IMPG1: variants seen among roughly 807,000 people sequenced by gnomAD.
The protein encoded by IMPG1 is interphotoreceptor matrix proteoglycan 1.
A neutral mutation model predicts 92.0 loss-of-function variants in IMPG1; 85 were observed. That is an observed-to-expected ratio of 0.92 (90% CI 0.78 to 1.11). The LOEUF (loss-of-function observed/expected upper bound fraction) is 1.11, where lower values mean the gene tolerates loss of function less well. Ranked by LOEUF, IMPG1 falls within the 50% of genes least tolerant of loss-of-function variation. The probability of loss-of-function intolerance (pLI) is 0.00; values close to 1 mark genes in which losing one functional copy is unlikely to be tolerated. For missense variants in IMPG1, 1,022 were observed against 956.0 expected (o/e 1.07, Z -0.91); for synonymous variants, 367 against 334.1 (o/e 1.10, Z -1.08).
At chr6:76,054,781 A>AAC (rs1784093545) in intron 1 of IMPG1, among the ~76,000 whole-genome samples, 1 of 152,096 alleles carries the variant, frequency 6.6e-6, no homozygotes, top group Admixed American at 6.6e-5. Flanking sequence ...GGCTCTTGTT[A>AAC]GTACAAGCCA....
chr6:75,985,773 T>C (rs1350848847), intron 12 of IMPG1, among the ~76,000 whole-genome samples: 1 of 152,222 alleles, frequency 6.6e-6, no homozygotes, highest in East Asian at 1.9e-4. Context: ...TGAGCCATAC[T>C]GAATTCTGAG....
At chr6:75,995,155 T>C (rs1442152612) in intron 12 of IMPG1, among the ~76,000 whole-genome samples, 3 of 152,240 alleles carry the variant, frequency 2.0e-5, no homozygotes. Flanking sequence ...ACCAATAAAA[T>C]CAATTCACTT....
intron 12 of IMPG1, among the ~76,000 whole-genome samples, chr6:75,976,548 G>A (rs1189906674): frequency 2.0e-5 from 3 of 151,916 alleles, no homozygotes; most frequent in Admixed American, 6.6e-5. Context: ...GCGACAGAGC[G>A]AGACTCTTGT....
chr6:76,056,394 C>G (rs1227176281), intron 1 of IMPG1, among the ~76,000 whole-genome samples: 2 of 151,920 alleles, frequency 1.3e-5, no homozygotes, highest in Non-Finnish European at 2.9e-5. Context: ...GCAAAAAAAG[C>G]TAAAATAAGC....
In IMPG1 at chr6:75,921,983, A is replaced by G. The variant is rs1781438186; in HGVS notation, c.*106T>C. The G allele has an allele frequency of 1.5e-6, 1 of 656,050 alleles. No homozygotes were observed. Among genetic ancestry groups the G allele is most frequent in the Non-Finnish European group, 2.8e-6 (1 of 355,796 alleles). 40.6% of individuals were successfully genotyped at this position (656,050 alleles called of 1,614,324 possible). A position where few individuals can be genotyped will look rare whatever the true frequency, so the allele number is the denominator to read the frequency against. On this transcript the variant is annotated 3_prime_UTR_variant, in exon 17 of 17. Coordinates refer to ENST00000369950, the MANE Select transcript of IMPG1 (RefSeq NM_001563.4). The stretch of plus-strand genomic sequence containing the variant: ...TGTGCTGATTCTCAGTGTTGACTGT[A>G]TGTCTGGATTTTGATGACCCATGAA...
At chr6:75,954,700 C>CTGAA (rs1476256668) in intron 12 of IMPG1, among the ~76,000 whole-genome samples, 1 of 152,150 alleles carries the variant, frequency 6.6e-6, no homozygotes, top group Non-Finnish European at 1.5e-5. Context: ...TGCCTATGTC[C>CTGAA]TGAATGGTAT....
intron 3 of IMPG1, 37 bp from the exon 4 acceptor site, chr6:76,034,380 G>GAGAT (rs759883305): frequency 6.3e-7 from 1 of 1,579,154 alleles, no homozygotes; most frequent in African/African-American, 1.3e-5. Context: ...ATTTTACCAG[G>GAGAT]AGATAATGCC....
At chr6:75,936,424 G>A (rs1028033776) in intron 14 of IMPG1, among the ~76,000 whole-genome samples, 5 of 152,178 alleles carry the variant, frequency 3.3e-5, no homozygotes, top group Admixed American at 2.6e-4. Context: ...GCTTATTGCT[G>A]AAAGGTAGAT....
In IMPG1 at chr6:76,034,645, C is replaced by T. The variant is rs1582119904; in HGVS notation, c.444G>A (p.Gln148=). 6.2e-7 allele frequency: 1 copy of T among 1,614,108 alleles called. No individual in the cohort carries two copies. Among genetic ancestry groups the T allele is most frequent in the Non-Finnish European group, 8.5e-7 (1 of 1,179,994 alleles). Residue 148 remains glutamine, a synonymous_variant, in exon 3 of 17, where the codon CAG becomes CAA. Coordinates refer to ENST00000369950, the MANE Select transcript of IMPG1 (RefSeq NM_001563.4). The part of the protein sequence containing the change: ...FDIGKNFSNS[Q]EHLDLLQQRI... ...CCTGCTGGAGAAGATCCAGGTGCTC[C>T]TGGGAATTGCTGAAGTTTTTTCCAA...
chr6:76,035,529 A>AAAAAAAAAAAAAAAG (rs1783729238), intron 2 of IMPG1, among the ~76,000 whole-genome samples: 1 of 142,628 alleles, frequency 7.0e-6, no homozygotes. Flanking sequence ...AAAAAAGAAA[A>AAAAAAAAAAAAAAAG]ATGTGGCAAG....
At position 76,004,035 on chromosome 6, in the gene IMPG1, T is replaced by C. The variant is rs575266008; in HGVS notation, c.1136-85A>G. ...CAATAAAACAGTCCAGGTTGAAATA[T>C]GCGGAATAACCAATCCTTAAGGAGT... On this transcript the variant is annotated intron_variant, in intron 10 of 16. Coordinates refer to ENST00000369950, the MANE Select transcript of IMPG1 (RefSeq NM_001563.4). The C allele has an allele frequency of 7.3e-5, 72 of 992,126 alleles. 1 individual carries two copies. In the South Asian group the frequency reaches 9.1e-4, roughly 12 times the overall value. 61.5% of individuals were successfully genotyped at this position (992,126 alleles called of 1,614,324 possible).
chr6:76,015,432 C>T (rs1011435007), intron 7 of IMPG1, among the ~76,000 whole-genome samples: 4 of 152,160 alleles, frequency 2.6e-5, no homozygotes, highest in South Asian at 2.1e-4. Flanking sequence ...GCAGCACTGA[C>T]GCCAGGGGTC....
Position 76,022,151 on chromosome 6 carries a change from C to T in IMPG1, c.631G>A (p.Asp211Asn), listed in dbSNP as rs140678692. 4.6e-4 allele frequency: 738 copies of T among 1,594,940 alleles called. 1 individual carries two copies. Among genetic ancestry groups the T allele is most frequent in the Non-Finnish European group, 6.0e-4 (700 of 1,166,728 alleles). Reference protein sequence around the residue: ...PDDTLLNEILDNTLNDTKMPT... With the variant: ...PDDTLLNEILNNTLNDTKMPT... ...ATCTTGGTGTCGTTGAGTGTATTAT[C>T]GAGAATTTCATTGAGGAGGGTGTCA... Residue 211 changes from aspartate to asparagine, a missense_variant, in exon 6 of 17, where the codon GAT (aspartate) becomes AAT (asparagine). By Grantham distance (23) the Asp-to-Asn change is conservative. This residue lies in a region of IMPG1 where 681 missense variants were observed against 583.6 expected (regional missense o/e 1.17). Coordinates refer to ENST00000369950, the MANE Select transcript of IMPG1 (RefSeq NM_001563.4).
At chr6:75,964,067 G>A (rs553346321) in intron 12 of IMPG1, among the ~76,000 whole-genome samples, 1 of 152,298 alleles carries the variant, frequency 6.6e-6, no homozygotes, top group South Asian at 2.1e-4. Context: ...ACTTTCAAAA[G>A]CTCTGACATA....
chr6:75,935,466 C>G (rs1421266430), intron 14 of IMPG1, among the ~76,000 whole-genome samples: 1 of 152,220 alleles, frequency 6.6e-6, no homozygotes, highest in Non-Finnish European at 1.5e-5. Context: ...TTTTTGGTTG[C>G]GTCGGCGCTG....
In IMPG1 at chr6:75,947,307, C is replaced by A. The variant is rs758091142; in HGVS notation, c.2044+7G>T. Reference sequence around the variant, plus strand: ...TCTCTACCACTTTCTGGGTTGGATTCTTTTACCTGGTTCAATGTTGAGAGA... The same window carrying A: ...TCTCTACCACTTTCTGGGTTGGATTATTTTACCTGGTTCAATGTTGAGAGA... On this transcript the variant is annotated splice_region_variant and intron_variant, in intron 14 of 16. Transcript: ENST00000369950. 5.0e-6 allele frequency: 8 copies of A among 1,607,606 alleles called. No individual in the cohort carries two copies. Among genetic ancestry groups the A allele is most frequent in the Non-Finnish European group, 6.8e-6 (8 of 1,174,542 alleles).
intron 1 of IMPG1, among the ~76,000 whole-genome samples, chr6:76,064,332 C>T (rs1270738211): frequency 6.7e-6 from 1 of 149,452 alleles, no homozygotes; most frequent in African/African-American, 2.5e-5. Context: ...GCACCACAGA[C>T]ATTTTAGTGG....
intron 12 of IMPG1, among the ~76,000 whole-genome samples, chr6:75,959,133 C>A (rs1782174460): frequency 1.3e-5 from 2 of 152,110 alleles, no homozygotes; most frequent in Non-Finnish European, 2.9e-5. Context: ...AACAGTCAGG[C>A]CCCTCTGCTG....
At chr6:76,055,036 G>A (rs1263831556) in intron 1 of IMPG1, among the ~76,000 whole-genome samples, 1 of 151,966 alleles carries the variant, frequency 6.6e-6, no homozygotes, top group Non-Finnish European at 1.5e-5. Context: ...TTCAGTAAGG[G>A]TAGGGAAGAT....
Sources: allele counts gnomAD v4.1 joint callset (sites outside exome capture counted in the v4.1 genomes callset), GRCh38; gene constraint gnomAD v4.1.1; regional missense constraint gnomAD v4.1.1; transcripts MANE v1.5; gene names NCBI Gene and HGNC (gene_info 2026-07-23, HGNC 2026-07-21).